SIRT2: variants seen among roughly 807,000 people sequenced by gnomAD.
SIRT2 encodes sirtuin 2.
A neutral mutation model predicts 57.4 loss-of-function variants in SIRT2; 40 were observed. The ratio of observed to expected loss-of-function variants is 0.70; its 90% CI spans 0.54 to 0.91. The LOEUF is 0.91. Among genes scored for constraint, SIRT2 ranks in the 40% least tolerant of loss-of-function variants. The pLI, the probability that SIRT2 is intolerant of heterozygous loss-of-function variation, is 0.00. For synonymous variants in SIRT2, 161 were observed against 195.7 expected (o/e 0.82, Z 1.48); for missense variants, 439 against 510.4 (o/e 0.86, Z 1.35).
rs372301365 is a variant in SIRT2, at chr19:38,880,930, G to C, written c.748-33C>G. 6.3e-7 allele frequency: 1 copy of C among 1,599,992 alleles called. No homozygotes were observed. Among genetic ancestry groups the C allele is most frequent in the African/African-American group, 1.3e-5 (1 of 74,682 alleles). On this transcript the variant is annotated intron_variant, in intron 11 of 15. Transcript: ENST00000249396. The surrounding 1 kb of genome is among the most constrained non-coding windows in gnomAD (Gnocchi z 4.1). Reference sequence around the variant, plus strand: ...GAGGGGCGTGAGCTTGGGAGCCTCCGCCCAGGCTGCGCCACCGCTCCCTCC... The same window carrying C: ...GAGGGGCGTGAGCTTGGGAGCCTCCCCCCAGGCTGCGCCACCGCTCCCTCC...
chr19:38,879,237 G>A lies in SIRT2; in HGVS notation c.1088C>T (p.Pro363Leu). Residue 363 changes from proline to leucine, a missense_variant, in exon 16 of 16, where the codon CCC becomes CTC. Transcript: ENST00000249396. The stretch of plus-strand genomic sequence containing the variant: ...CTTCTTGGGGGAAGCTGAAGTGCTG[G>A]GGTTGGGGACCCCCGCCCCCGACTG... ...DAQSGAGVPNPSTSASPKKSP... is the reference protein window; with the variant it reads ...DAQSGAGVPNLSTSASPKKSP... 6.2e-7 allele frequency: 1 copy of A among 1,602,972 alleles called. No homozygotes were observed. The highest frequency in any genetic ancestry group is 8.5e-7 in the Non-Finnish European group (1 of 1,176,962).
At chr19:38,884,544 G>A (rs1179103825) in intron 8 of SIRT2, among the ~76,000 whole-genome samples, 1 of 152,098 alleles carries the variant, frequency 6.6e-6, no homozygotes, top group African/African-American at 2.4e-5. Flanking sequence ...TGACTCCCAG[G>A]TTCAAGAGAT....
intron 4 of SIRT2, chr19:38,891,872 G>T (rs1197677439): frequency 4.3e-6 from 2 of 468,902 alleles, no homozygotes; most frequent in Non-Finnish European, 8.8e-6. Context: ...GGCCTGCCCA[G>T]GCTAAAAGAT....
At position 38,891,419 on chromosome 19, in the gene SIRT2, C is replaced by G. The variant is rs192813738; in HGVS notation, c.227-1275G>C. On this transcript the variant is annotated intron_variant, in intron 4 of 15. Transcript: ENST00000249396. ...CAAAAATTAGCCGGGCGTGGTGGCACGCGCCTGTAATCCCAGCTACTCGGG... is the reference window on the plus strand; with the variant it reads ...CAAAAATTAGCCGGGCGTGGTGGCAGGCGCCTGTAATCCCAGCTACTCGGG... Among the ~76,000 whole-genome samples the G allele has an allele frequency of 1.6e-3, 243 of 152,166 alleles. 5 individuals are homozygous for G. In the East Asian group the frequency reaches 0.04, roughly 25 times the overall value.
chr19:38,879,063 C>T lies in SIRT2; in HGVS notation c.*92G>A. On this transcript the variant is annotated 3_prime_UTR_variant, in exon 16 of 16. Coordinates refer to ENST00000249396, the MANE Select transcript of SIRT2 (RefSeq NM_012237.4). ...AGATTGGGGGATGTTCTGAGCTCCC[C>T]AGACAAGAACTGCTGGTTAAGAGGG... The T allele has an allele frequency of 5.1e-6, 7 of 1,371,014 alleles. No homozygotes were observed. The highest frequency in any genetic ancestry group is 6.9e-6 in the Non-Finnish European group (7 of 1,019,398). The allele number at this position is 1,371,014 out of a possible 1,614,324, so 84.9% of individuals were successfully genotyped here.
At chr19:38,881,062 G>C in intron 11 of SIRT2, 38 bp downstream of exon 11, 2 of 1,603,354 alleles carry the variant, frequency 1.2e-6, no homozygotes. Context: ...AGGTGGAGGC[G>C]GCGGTTGGGG....
intron 4 of SIRT2, among the ~76,000 whole-genome samples, chr19:38,891,394 C>T (rs1444107657): frequency 6.6e-6 from 1 of 151,916 alleles, no homozygotes; most frequent in East Asian, 1.9e-4. Context: ...ACTAAAAGTA[C>T]AAAAATTAGC....
Position 38,880,442 on chromosome 19 carries a change from G to C in SIRT2, c.876+243C>G. ...CCCTGCACCCCCTCCCACCTCCTCA[G>C]TCCCTGGAAGCCCGGCCTTCCTATC... On this transcript the variant is annotated intron_variant, in intron 13 of 15. Coordinates refer to ENST00000249396, the MANE Select transcript of SIRT2 (RefSeq NM_012237.4). This position sits in a 1 kb window ranked among gnomAD's most constrained non-coding sequence, Gnocchi z 4.1. 2.3e-6 allele frequency: 1 copy of C among 440,942 alleles called. No individual in the cohort carries two copies. The highest frequency in any genetic ancestry group is 4.0e-6 in the Non-Finnish European group (1 of 249,896). The allele number at this position is 440,942 out of a possible 1,614,324, so 27.3% of individuals were successfully genotyped here.
In SIRT2 at chr19:38,893,908, G is replaced by A. The variant is rs771881617; in HGVS notation, c.64-41C>T. On this transcript the variant is annotated intron_variant, in intron 2 of 15. Transcript: ENST00000249396. ...TGGAGTGGCCAGGCCCGAGAGGTGG[G>A]ATTAGGGAGGGAGGAGAGGGGGTGA... is the stretch of plus-strand genomic sequence containing the variant. 6 of 1,612,722 alleles carry A rather than the reference G, an allele frequency of 3.7e-6. No individual in the cohort carries two copies. In the South Asian group the frequency reaches 5.5e-5, roughly 15 times the overall value.
At chr19:38,883,854 G>A (rs1216721567) in intron 8 of SIRT2, 98 bp from the exon 9 acceptor site, 3 of 1,349,754 alleles carry the variant, frequency 2.2e-6, no homozygotes, top group Non-Finnish European at 3.1e-6. Flanking sequence ...GAGCAGTGAG[G>A]TGGTGGGGAC....
Position 38,879,233 on chromosome 19 carries a change from G to A in SIRT2, c.1092C>T (p.Ser364=), listed in dbSNP as rs1973041856. The A allele has an allele frequency of 1.9e-6, 3 of 1,602,488 alleles. No individual in the cohort carries two copies. Among genetic ancestry groups the A allele is most frequent in the Non-Finnish European group, 8.5e-7 (1 of 1,176,806 alleles). The change falls in exon 16 of 16, where the codon AGC becomes AGT. Residue 364 remains serine, a synonymous_variant. Coordinates refer to ENST00000249396, the MANE Select transcript of SIRT2 (RefSeq NM_012237.4). ...AQSGAGVPNP[S]TSASPKKSPP... ...GGGACTTCTTGGGGGAAGCTGAAGT[G>A]CTGGGGTTGGGGACCCCCGCCCCCG...
At position 38,899,548 on chromosome 19, in the gene SIRT2, T is replaced by C; in HGVS notation, c.-27A>G. The stretch of plus-strand genomic sequence containing the variant: ...GGCGCGGTGCTGAAGCCCTTGAGGC[T>C]GTCACCGACCGCTCTGTCCCGTCAC... On this transcript the variant is annotated 5_prime_UTR_variant, in exon 1 of 16. Coordinates refer to ENST00000249396, the MANE Select transcript of SIRT2 (RefSeq NM_012237.4). The C allele has an allele frequency of 6.2e-7, 1 of 1,613,834 alleles. No homozygotes were observed. Among genetic ancestry groups the C allele is most frequent in the Non-Finnish European group, 8.5e-7 (1 of 1,179,978 alleles).
intron 8 of SIRT2, among the ~76,000 whole-genome samples, chr19:38,884,439 T>G (rs1318832812): frequency 1.3e-5 from 2 of 150,684 alleles, no homozygotes; most frequent in African/African-American, 2.4e-5. Context: ...AGGTGTGGTT[T>G]GTTTGTTTGT....
At chr19:38,893,581 G>GATGT (rs1457265839) in intron 3 of SIRT2, 54 bp from the exon 4 acceptor site, 2 of 1,342,756 alleles carry the variant, frequency 1.5e-6, no homozygotes, top group Non-Finnish European at 2.1e-6. Context: ...CAGGGGCATG[G>GATGT]ATGTCTCCGG....
rs560561684 is a variant in SIRT2, at chr19:38,890,948, A to G, written c.227-804T>C. On this transcript the variant is annotated intron_variant, in intron 4 of 15. Coordinates refer to ENST00000249396, the MANE Select transcript of SIRT2 (RefSeq NM_012237.4). ...GGACAGCAAAGGTGAACAGAGCACA[A>G]AGCCTGCCACAGCTTCAGCCCTGAG... is the stretch of plus-strand genomic sequence containing the variant. Among the ~76,000 whole-genome samples, 5 of 152,326 alleles carry G rather than the reference A, an allele frequency of 3.3e-5. No individual in the cohort carries two copies. The South Asian group carries it at 1.0e-3, about 32-fold the overall frequency.
At chr19:38,881,774 A>G (rs960427040) in intron 9 of SIRT2, among the ~76,000 whole-genome samples, 1 of 150,310 alleles carries the variant, frequency 6.7e-6, no homozygotes, top group Non-Finnish European at 1.5e-5. Context: ...TGTAGCCTCA[A>G]CCTCCCAGCT....
chr19:38,881,553 G>A lies in SIRT2; in HGVS notation c.632-62C>T, dbSNP rs2144669311. ...AGAGGATCTGGGCCGGAGTCTGGAG[G>A]TGCAGCACCCCCACCCCTCTTCCAC... On this transcript the variant is annotated intron_variant, in intron 9 of 15. Coordinates refer to ENST00000249396, the MANE Select transcript of SIRT2 (RefSeq NM_012237.4). 5.1e-6 allele frequency: 7 copies of A among 1,362,340 alleles called. No homozygotes were observed. The East Asian group carries it at 6.9e-5, about 14-fold the overall frequency. 84.4% of individuals were successfully genotyped at this position (1,362,340 alleles called of 1,614,324 possible).
Position 38,881,104 on chromosome 19 carries a change from T to G in SIRT2, c.743A>C (p.Gln248Pro). Residue 248 changes from glutamine (Q) to proline (P), a missense_variant, in exon 11 of 16, where the codon CAG becomes CCG. By Grantham distance (76) the Gln-to-Pro change is moderately conservative. Transcript: ENST00000249396. ...GGAGGCTGGGGGGCCACTTACTGAC[T>G]GCATACAGGAGAAGAAACGCGCTGG... ...SLPARFFSCM[Q>P]SDFLKVDLLL... 1 of 1,613,182 alleles carries G rather than the reference T, an allele frequency of 6.2e-7. No homozygotes were observed. Among genetic ancestry groups the G allele is most frequent in the Non-Finnish European group, 8.5e-7 (1 of 1,179,754 alleles).
chr19:38,887,158 A>G (rs2144683021), intron 8 of SIRT2, among the ~76,000 whole-genome samples: 1 of 152,172 alleles, frequency 6.6e-6, no homozygotes, highest in East Asian at 1.9e-4. Flanking sequence ...TTTCCCGAAC[A>G]CATACACCGT....
Sources: allele counts gnomAD v4.1 joint callset (sites outside exome capture counted in the v4.1 genomes callset), GRCh38; gene constraint gnomAD v4.1.1; non-coding constraint Gnocchi (gnomAD v3.1); transcripts MANE v1.5; gene names NCBI Gene and HGNC (gene_info 2026-07-23, HGNC 2026-07-21).